Variants in FAM13A observed in about 807,000 individuals in gnomAD.
The protein encoded by FAM13A is protein FAM13A.
In FAM13A, 76 loss-of-function variants were observed where a neutral mutation model predicts 129.6. The ratio of observed to expected loss-of-function variants is 0.59; its 90% CI spans 0.49 to 0.71. FAM13A has a LOEUF of 0.71. Ranked by LOEUF, FAM13A falls within the 30% of genes least tolerant of loss-of-function variation. FAM13A has a pLI of 0.00. For missense variants in FAM13A, 1,108 were observed against 1,249.3 expected (o/e 0.89, Z 1.70); for synonymous variants, 443 against 449.9 (o/e 0.98, Z 0.20).
At chr4:88,819,581 C>T (rs1408704681) in intron 7 of FAM13A, among the ~76,000 whole-genome samples, 2 of 152,234 alleles carry the variant, frequency 1.3e-5, no homozygotes, top group Non-Finnish European at 2.9e-5. Flanking sequence ...GCCTGTGGTA[C>T]AAACTAGGCC....
At chr4:88,728,862 CTGAGT>C (rs1736942625) in intron 23 of FAM13A, 1 of 522,026 alleles carries the variant, frequency 1.9e-6, no homozygotes. Context: ...CAACATGCAA[CTGAGT>C]TTTTATATAG....
chr4:88,833,815 A>C (rs1734324942), intron 7 of FAM13A, among the ~76,000 whole-genome samples: 1 of 152,040 alleles, frequency 6.6e-6, no homozygotes, highest in Non-Finnish European at 1.5e-5. Context: ...GAACCTGGGA[A>C]GCAGAGTTTG....
At chr4:88,806,784 A>G (rs1038392596) in intron 7 of FAM13A, among the ~76,000 whole-genome samples, 15 of 152,172 alleles carry the variant, frequency 9.9e-5, no homozygotes, top group African/African-American at 3.4e-4. Flanking sequence ...CACCTGGGAA[A>G]TGTCCAGGTG....
intron 2 of FAM13A, 39 bp from the exon 3 acceptor site, chr4:89,020,708 C>G: frequency 2.2e-6 from 3 of 1,366,756 alleles, no homozygotes; most frequent in Non-Finnish European, 3.1e-6. Flanking sequence ...AAATAGGTTT[C>G]TCACAGACAT....
chr4:88,846,575 A>G (rs534071421), intron 7 of FAM13A, among the ~76,000 whole-genome samples: 15 of 152,248 alleles, frequency 9.9e-5, no homozygotes, highest in Non-Finnish European at 2.2e-4. Context: ...CTTAATAACA[A>G]TGGCTATATT....
chr4:89,055,528 G>A (rs1227499446), intron 1 of FAM13A, among the ~76,000 whole-genome samples: 2 of 152,076 alleles, frequency 1.3e-5, no homozygotes, highest in East Asian at 3.8e-4. Context: ...TCAATATATT[G>A]CAGGTCAAGG....
intron 6 of FAM13A, among the ~76,000 whole-genome samples, chr4:88,877,803 C>T (rs17816002): frequency 6.6e-6 from 1 of 152,008 alleles, no homozygotes; most frequent in African/African-American, 2.4e-5. Flanking sequence ...CTCAGTCTAC[C>T]TCAACTTTCT....
rs141795432 is a variant in FAM13A at position 88,784,112 on chromosome 4, T to A, written c.1272-2761A>T. Among the ~76,000 whole-genome samples, 34 of 152,344 alleles carry A rather than the reference T, an allele frequency of 2.2e-4. No homozygotes were observed. In the East Asian group the frequency reaches 5.6e-3, roughly 25 times the overall value. On this transcript the variant is annotated intron_variant, in intron 10 of 23. Coordinates refer to ENST00000264344, the MANE Select transcript of FAM13A (RefSeq NM_014883.4). ...AAAAAATCCTGTCAAAATAAATATA[T>A]GAAAATCTGACCATGCTGTTGTGCT...
At chr4:88,885,704 C>T (rs1204147727) in intron 6 of FAM13A, among the ~76,000 whole-genome samples, 1 of 151,998 alleles carries the variant, frequency 6.6e-6, no homozygotes, top group East Asian at 1.9e-4. Context: ...AAGAAACAAT[C>T]AGCAGAGTAA....
intron 6 of FAM13A, among the ~76,000 whole-genome samples, chr4:88,901,878 A>C (rs1449717983): frequency 6.6e-6 from 1 of 152,114 alleles, no homozygotes; most frequent in African/African-American, 2.4e-5. Context: ...AAGAAAGAAG[A>C]ATCAAATAAT....
intron 5 of FAM13A, among the ~76,000 whole-genome samples, chr4:88,908,109 G>T (rs532594518): frequency 6.6e-6 from 1 of 152,300 alleles, no homozygotes; most frequent in Admixed American, 6.5e-5. Context: ...TAGCCCTTAT[G>T]TAAGTACCAA....
intron 5 of FAM13A, among the ~76,000 whole-genome samples, chr4:88,917,627 C>T (rs571167926): frequency 6.4e-4 from 98 of 152,272 alleles, no homozygotes; most frequent in African/African-American, 2.0e-3. Context: ...ATTATAATTG[C>T]GGTCACTTGT....
chr4:88,863,170 C>T (rs997834159), intron 6 of FAM13A, among the ~76,000 whole-genome samples: 17 of 152,120 alleles, frequency 1.1e-4, no homozygotes, highest in South Asian at 4.1e-4. Flanking sequence ...GAACTAACTG[C>T]GTGATTAGAG....
chr4:88,931,556 C>A (rs1753036713), intron 5 of FAM13A, among the ~76,000 whole-genome samples: 1 of 152,102 alleles, frequency 6.6e-6, no homozygotes, highest in Admixed American at 6.5e-5. Context: ...TTCTCCTAGA[C>A]AATCTGTTCA....
chr4:88,877,768 G>T (rs534134322), intron 6 of FAM13A, among the ~76,000 whole-genome samples: 3 of 152,206 alleles, frequency 2.0e-5, no homozygotes, highest in Admixed American at 2.0e-4. Flanking sequence ...TTAAATTTAT[G>T]AGTACCAATC....
intron 19 of FAM13A, among the ~76,000 whole-genome samples, chr4:88,744,736 G>T (rs1740953013): frequency 6.6e-6 from 1 of 152,144 alleles, no homozygotes; most frequent in African/African-American, 2.4e-5. Context: ...TTGACTCTTT[G>T]ATTTTTTTTC....
Position 88,932,645 on chromosome 4 carries a change from T to C in FAM13A, c.759+5443A>G, listed in dbSNP as rs534128896. On this transcript the variant is annotated intron_variant, in intron 5 of 23. Coordinates refer to ENST00000264344, the MANE Select transcript of FAM13A (RefSeq NM_014883.4). ...TTGAGCATGAAAAAGATATGGGAAA[T>C]GGTTTAGGAAGTTTCTGTGATATAT... is the stretch of plus-strand genomic sequence containing the variant. Among the ~76,000 whole-genome samples, 202 of 152,266 alleles carry C rather than the reference T, an allele frequency of 1.3e-3. 2 individuals are homozygous for C. Among genetic ancestry groups the C allele is most frequent in the African/African-American group, 4.3e-3 (178 of 41,558 alleles).
At chr4:89,033,136 A>ACACACACACT (rs1553927666) in intron 1 of FAM13A, among the ~76,000 whole-genome samples, 1 of 149,872 alleles carries the variant, frequency 6.7e-6, no homozygotes, top group African/African-American at 2.5e-5. Flanking sequence ...ACACACACAC[A>ACACACACACT]CTCTCTCTCT....
chr4:88,825,164 G>A (rs1476084283), intron 7 of FAM13A, among the ~76,000 whole-genome samples: 2 of 151,768 alleles, frequency 1.3e-5, no homozygotes, highest in African/African-American at 4.8e-5. Flanking sequence ...TCTGGAACTC[G>A]CTGCTATATA....
Sources: gnomAD v4.1 joint callset for allele counts (sites outside exome capture counted in the v4.1 genomes callset) on GRCh38, gnomAD v4.1.1 for gene constraint, MANE v1.5 for transcripts, NCBI Gene and HGNC (gene_info 2026-07-23, HGNC 2026-07-21) for gene names.